SLC24A3: variants seen among roughly 807,000 people sequenced by gnomAD.
SLC24A3 encodes solute carrier family 24 member 3.
Under a neutral mutation model 75.8 loss-of-function variants are expected in SLC24A3, and 28 were observed. The observed-to-expected ratio is 0.37, with a 90% CI of 0.27 to 0.51. The LOEUF (loss-of-function observed/expected upper bound fraction) is 0.51. Among genes scored for constraint, SLC24A3 ranks in the 20% least tolerant of loss-of-function variants. The pLI is 0.94. For synonymous variants in SLC24A3, 372 were observed against 334.1 expected, an observed-to-expected ratio of 1.11 and a Z score of -1.24; for missense variants, 663 against 847.8, an observed-to-expected ratio of 0.78 and a Z score of 2.71.
At chr20:19,466,835 T>C (rs1046365390) in intron 2 of SLC24A3, among the ~76,000 whole-genome samples, 1 of 152,294 alleles carries the variant, frequency 6.6e-6, no homozygotes, top group Non-Finnish European at 1.5e-5. Context: ...TGAAATTAGA[T>C]GAAAAGACCT....
At chr20:19,706,585 G>A (rs1337644782) in intron 15 of SLC24A3, among the ~76,000 whole-genome samples, 1 of 152,134 alleles carries the variant, frequency 6.6e-6, no homozygotes, top group Non-Finnish European at 1.5e-5. Context: ...GGCTGCTTCT[G>A]TGGCTGGGGG....
At chr20:19,658,304 G>C (rs1248420019) in intron 7 of SLC24A3, among the ~76,000 whole-genome samples, 1 of 152,152 alleles carries the variant, frequency 6.6e-6, no homozygotes, top group African/African-American at 2.4e-5. Flanking sequence ...TTAAGACCTG[G>C]ATTCAAAATG....
At chr20:19,541,398 TC>T (rs1448534357) in intron 3 of SLC24A3, among the ~76,000 whole-genome samples, 1 of 152,220 alleles carries the variant, frequency 6.6e-6, no homozygotes, top group East Asian at 1.9e-4. Context: ...AAAGCCCATG[TC>T]CAGGAGCAGC....
intron 6 of SLC24A3, among the ~76,000 whole-genome samples, chr20:19,597,853 C>T (rs1301030749): frequency 1.3e-5 from 2 of 152,202 alleles, no homozygotes; most frequent in East Asian, 3.9e-4. Context: ...CTTATTTTCA[C>T]TGAACATGAT....
chr20:19,515,706 A>C, intron 3 of SLC24A3, 142 bp downstream of exon 3: 1 of 750,752 alleles, frequency 1.3e-6, no homozygotes. Flanking sequence ...CGAGCTCTGT[A>C]GGGGGCCATC....
chr20:19,678,265 C>T, intron 9 of SLC24A3, among the ~76,000 whole-genome samples: 1 of 148,880 alleles, frequency 6.7e-6, no homozygotes, highest in Non-Finnish European at 1.5e-5. Flanking sequence ...AGGGGCTCCT[C>T]ACTTCCCAGT....
At chr20:19,461,607 A>T (rs1443136605) in intron 2 of SLC24A3, among the ~76,000 whole-genome samples, 2 of 133,542 alleles carry the variant, frequency 1.5e-5, no homozygotes, top group Non-Finnish European at 3.0e-5. Context: ...ATCTTGGCTC[A>T]CTGCAACCTC....
At position 19,236,685 on chromosome 20, in the gene SLC24A3, G is replaced by A. The variant is rs564174394; in HGVS notation, c.142+23701G>A. ...GAGGCAGCATCATTTGAGCCCAGGC[G>A]TTTGAGGCTGCAGTAAACTATGATT... On this transcript the variant is annotated intron_variant, in intron 1 of 16. Coordinates refer to ENST00000328041, the MANE Select transcript of SLC24A3 (RefSeq NM_020689.4). Among the ~76,000 whole-genome samples the A allele has an allele frequency of 1.4e-4, 22 of 152,294 alleles. 2 individuals are homozygous for A. Among genetic ancestry groups the A allele is most frequent in the African/African-American group, 5.1e-4 (21 of 41,560 alleles).
chr20:19,315,354 G>A (rs1984562196), intron 2 of SLC24A3, among the ~76,000 whole-genome samples: 1 of 152,188 alleles, frequency 6.6e-6, no homozygotes, highest in East Asian at 1.9e-4. Flanking sequence ...CACTGGGGCT[G>A]GGGTGCCAGA....
chr20:19,699,931 T>C (rs2032852170), intron 15 of SLC24A3, among the ~76,000 whole-genome samples: 1 of 152,102 alleles, frequency 6.6e-6, no homozygotes, highest in Admixed American at 6.5e-5. Context: ...ATTATAAAGT[T>C]TGGGAAATGA....
chr20:19,241,974 C>T (rs570603230), intron 1 of SLC24A3, among the ~76,000 whole-genome samples: 1 of 152,172 alleles, frequency 6.6e-6, no homozygotes, highest in East Asian at 1.9e-4. Context: ...CTGAATGCCT[C>T]CCTTTGATTT....
intron 3 of SLC24A3, among the ~76,000 whole-genome samples, chr20:19,573,465 A>G (rs1442737393): frequency 1.3e-5 from 2 of 152,242 alleles, no homozygotes; most frequent in Non-Finnish European, 2.9e-5. Context: ...CCAGCACAGT[A>G]TCTTCTGTGG....
At chr20:19,693,208 G>A (rs1200973441) in intron 12 of SLC24A3, 51 bp from the exon 13 acceptor site, 3 of 1,559,398 alleles carry the variant, frequency 1.9e-6, no homozygotes, top group East Asian at 4.6e-5. Flanking sequence ...GCTAACTGGG[G>A]TTCTTTGTTA....
intron 2 of SLC24A3, among the ~76,000 whole-genome samples, chr20:19,470,538 G>A (rs1311225120): frequency 6.6e-6 from 1 of 152,138 alleles, no homozygotes; most frequent in East Asian, 1.9e-4. Context: ...CATTAAGTCT[G>A]TACGCTGAAC....
At chr20:19,296,266 G>GTATT (rs1319511739) in intron 2 of SLC24A3, among the ~76,000 whole-genome samples, 1 of 59,800 alleles carries the variant, frequency 1.7e-5, no homozygotes, top group East Asian at 3.3e-4. Flanking sequence ...CTAGCTAGTG[G>GTATT]TCTTTTTTTT....
In SLC24A3 at chr20:19,722,276, C is replaced by T. The variant is rs2033112106; in HGVS notation, c.*1136C>T. The stretch of plus-strand genomic sequence containing the variant: ...TGGTATTGAGTACACTGGACCCTGA[C>T]CACTGGCTCTTGGGCAAACGTCCTT... On this transcript the variant is annotated 3_prime_UTR_variant, in exon 17 of 17. Transcript: ENST00000328041. 1 of 152,720 alleles carries T rather than the reference C, an allele frequency of 6.5e-6. No individual in the cohort carries two copies. The highest frequency in any genetic ancestry group is 6.5e-5 in the Admixed American group (1 of 15,288). The allele number at this position is 152,720 out of a possible 1,614,324, so 9.5% of individuals were successfully genotyped here.
chr20:19,285,306 C>T (rs986369091), intron 2 of SLC24A3, among the ~76,000 whole-genome samples: 1 of 151,726 alleles, frequency 6.6e-6, no homozygotes, highest in African/African-American at 2.4e-5. Flanking sequence ...GGTGAAACCC[C>T]ATCTCTATAA....
chr20:19,654,641 C>CTTTTTTTTT (rs34507566), intron 7 of SLC24A3, among the ~76,000 whole-genome samples: 2 of 89,950 alleles, frequency 2.2e-5, no homozygotes, highest in Admixed American at 1.3e-4. Flanking sequence ...AAATAGAATC[C>CTTTTTTTTT]TTTTTTTTTT....
chr20:19,398,144 G>A (rs1298417956), intron 2 of SLC24A3, among the ~76,000 whole-genome samples: 1 of 151,948 alleles, frequency 6.6e-6, no homozygotes, highest in Non-Finnish European at 1.5e-5. Context: ...TTTTACTTGT[G>A]TGACTTCCCA....
Sources: gnomAD v4.1 joint callset for allele counts (sites outside exome capture counted in the v4.1 genomes callset) on GRCh38, gnomAD v4.1.1 for gene constraint, MANE v1.5 for transcripts, NCBI Gene and HGNC (gene_info 2026-07-23, HGNC 2026-07-21) for gene names.